The following GALNT11 variants were observed in gnomAD, a reference collection of about 807,000 sequenced individuals.
GALNT11 encodes UDP-GalNAc:polypeptide N-acetylgalactosaminyltransferase 11.
GALNT11 carries 47 observed loss-of-function variants against 72.7 expected under a neutral mutation model. The ratio of observed to expected loss-of-function variants is 0.65; its 90% CI spans 0.51 to 0.82. The LOEUF (loss-of-function observed/expected upper bound fraction) is 0.82. Ranked by LOEUF, GALNT11 falls within the 40% of genes least tolerant of loss-of-function variation. GALNT11 has a pLI of 0.00. For missense variants in GALNT11, 677 were observed against 778.4 expected, an observed-to-expected ratio of 0.87 and a Z score of 1.55; for synonymous variants, 270 against 286.6, an observed-to-expected ratio of 0.94 and a Z score of 0.58.
chr7:152,060,619 T>TC (rs543973447), intron 1 of GALNT11, among the ~76,000 whole-genome samples: 24 of 149,756 alleles, frequency 1.6e-4, no homozygotes, highest in East Asian at 5.9e-4. Context: ...ATGCTATCCC[T>TC]CCCCCCCCTC....
chr7:152,089,372 G>C (rs956877389), intron 1 of GALNT11, among the ~76,000 whole-genome samples: 1 of 152,204 alleles, frequency 6.6e-6, no homozygotes, highest in East Asian at 1.9e-4. Flanking sequence ...AATTCTCTCA[G>C]CAAGGCAATC....
At chr7:152,031,564 C>T (rs933427883) in intron 1 of GALNT11, among the ~76,000 whole-genome samples, 1 of 152,204 alleles carries the variant, frequency 6.6e-6, no homozygotes, top group African/African-American at 2.4e-5. Flanking sequence ...GCCTCTGACA[C>T]TAGGATGGGT....
intron 1 of GALNT11, among the ~76,000 whole-genome samples, chr7:152,070,001 TTC>T (rs2084540228): frequency 1.4e-5 from 2 of 144,728 alleles, no homozygotes; most frequent in African/African-American, 2.9e-5. Context: ...CTTTTTCTTT[TTC>T]TTTTTTTTTT....
intron 7 of GALNT11, among the ~76,000 whole-genome samples, chr7:152,111,317 G>C (rs906930559): frequency 1.3e-5 from 2 of 151,810 alleles, no homozygotes; most frequent in African/African-American, 2.4e-5. Context: ...GCCACACCTG[G>C]CTAATTTTCT....
intron 1 of GALNT11, among the ~76,000 whole-genome samples, chr7:152,042,603 C>T (rs1208770249): frequency 6.6e-6 from 1 of 152,180 alleles, no homozygotes; most frequent in African/African-American, 2.4e-5. Context: ...CTTTGTCTTT[C>T]CACTTGAAGC....
intron 7 of GALNT11, among the ~76,000 whole-genome samples, chr7:152,111,640 A>AT (rs2088215762): frequency 4.1e-5 from 6 of 147,514 alleles, no homozygotes; most frequent in Middle Eastern, 3.5e-3. Context: ...ATATATATAT[A>AT]TATATTTTTT....
intron 1 of GALNT11, among the ~76,000 whole-genome samples, chr7:152,041,385 T>C (rs542677336): frequency 1.3e-5 from 2 of 152,352 alleles, no homozygotes; most frequent in East Asian, 3.9e-4. Flanking sequence ...TATTTGTGCC[T>C]TTATGAGGAC....
chr7:152,096,463 T>A (rs2129040981), intron 2 of GALNT11, among the ~76,000 whole-genome samples: 1 of 152,248 alleles, frequency 6.6e-6, no homozygotes, highest in Admixed American at 6.5e-5. Flanking sequence ...ATGCCTGTAA[T>A]CTCAGCACTT....
intron 1 of GALNT11, among the ~76,000 whole-genome samples, chr7:152,088,520 T>TG (rs1587272002): frequency 1.3e-5 from 2 of 151,992 alleles, no homozygotes; most frequent in East Asian, 3.9e-4. Flanking sequence ...TTCAGGGTTT[T>TG]TTTTTTTTTT....
At chr7:152,104,131 C>T (rs899271431) in intron 4 of GALNT11, 7 of 152,224 alleles carry the variant, frequency 4.6e-5, no homozygotes, top group African/African-American at 1.7e-4. Context: ...TCATTCAGCT[C>T]TCAGTGACCT....
intron 8 of GALNT11, 118 bp from the exon 9 acceptor site, chr7:152,117,039 G>T: frequency 1.2e-6 from 1 of 866,128 alleles, no homozygotes; most frequent in Non-Finnish European, 1.8e-6. Context: ...ACAGTTTAAG[G>T]TACATGTTAT....
intron 1 of GALNT11, among the ~76,000 whole-genome samples, chr7:152,031,695 G>T (rs1003692445): frequency 2.0e-5 from 3 of 152,152 alleles, no homozygotes. Context: ...AGCTATCCCT[G>T]CTCTCTCTGT....
chr7:152,108,285 A>G lies in GALNT11; in HGVS notation c.960A>G (p.Ile320Met), dbSNP rs764042419. The change falls in exon 6 of 12, where the codon ATA becomes ATG. Residue 320 changes from isoleucine to methionine, a missense_variant and splice_region_variant. Transcript: ENST00000430044. ...LGRAEGATAP[I>M]KSPTMAGGLF... The stretch of plus-strand genomic sequence containing the variant: ...GAGCGGAGGGAGCCACTGCACCAAT[A>G]AAGTAAGATCGCTCCTTTGTTTGAC... 1.9e-6 allele frequency: 3 copies of G among 1,603,298 alleles called. No individual in the cohort carries two copies. In the African/African-American group the frequency reaches 4.0e-5, roughly 21 times the overall value.
intron 1 of GALNT11, among the ~76,000 whole-genome samples, chr7:152,052,261 G>A (rs1449948090): frequency 6.6e-6 from 1 of 151,924 alleles, no homozygotes; most frequent in Non-Finnish European, 1.5e-5. Context: ...CATCCCCTAG[G>A]ATATTGGATT....
intron 1 of GALNT11, among the ~76,000 whole-genome samples, chr7:152,033,525 G>T (rs118171584): frequency 0.016 from 2,490 of 152,224 alleles, 31 homozygotes; most frequent in Middle Eastern, 0.065. Context: ...CGGCTGATTG[G>T]GTAACAAACT....
At chr7:152,081,741 A>G (rs1367166436) in intron 1 of GALNT11, among the ~76,000 whole-genome samples, 1 of 152,054 alleles carries the variant, frequency 6.6e-6, no homozygotes, top group Admixed American at 6.6e-5. Context: ...AAAATGGTTT[A>G]TGGGGGATGC....
At chr7:152,069,208 A>G (rs1166223873) in intron 1 of GALNT11, among the ~76,000 whole-genome samples, 1 of 152,196 alleles carries the variant, frequency 6.6e-6, no homozygotes, top group East Asian at 1.9e-4. Context: ...TTATTTAGAA[A>G]TGTGTTAATT....
At chr7:152,076,524 T>C (rs777305586) in intron 1 of GALNT11, among the ~76,000 whole-genome samples, 2 of 152,226 alleles carry the variant, frequency 1.3e-5, no homozygotes, top group East Asian at 3.8e-4. Flanking sequence ...CAGTGTAGCA[T>C]ACGTATGTCA....
intron 1 of GALNT11, among the ~76,000 whole-genome samples, chr7:152,067,950 CAAGAGAGAGTGGTAGGGGAGGTG>C (rs757956569): frequency 9.9e-5 from 15 of 151,998 alleles, no homozygotes; most frequent in Non-Finnish European, 2.1e-4. Context: ...CAGGAGCAAG[CAAGAGAGAGTGGTAGGGGAGGTG>C]CCACATACTT....
Sources: gnomAD v4.1 joint callset for allele counts (sites outside exome capture counted in the v4.1 genomes callset) on GRCh38, gnomAD v4.1.1 for gene constraint, MANE v1.5 for transcripts, NCBI Gene and HGNC (gene_info 2026-07-23, HGNC 2026-07-21) for gene names.